Variants in ACSM2A observed in about 807,000 individuals in gnomAD.
ACSM2A encodes the protein acyl-CoA synthetase medium chain family member 2A.
Under a neutral mutation model 76.6 loss-of-function variants are expected in ACSM2A, and 72 were observed. That is an observed-to-expected ratio of 0.94 (90% CI 0.78 to 1.14). ACSM2A has a LOEUF of 1.14. ACSM2A is among the 50% of genes most tolerant of loss of function. ACSM2A has a pLI of 0.00. For missense variants in ACSM2A, 684 were observed against 708.5 expected, an observed-to-expected ratio of 0.97 and a Z score of 0.39; for synonymous variants, 249 against 255.9, an observed-to-expected ratio of 0.97 and a Z score of 0.26.
At chr16:20,469,872 ATTTTTTTTT>A (rs35674523) in intron 4 of ACSM2A, among the ~76,000 whole-genome samples, 153 bp downstream of exon 4, 3 of 67,720 alleles carry the variant, frequency 4.4e-5, no homozygotes, top group South Asian at 5.5e-4. Flanking sequence ...ACACAAGGGT[ATTTTTTTTT>A]TTTTTTTTTT....
At chr16:20,471,285 A>G in intron 5 of ACSM2A, 69 bp downstream of exon 5, 1 of 1,571,752 alleles carries the variant, frequency 6.4e-7, no homozygotes, top group Non-Finnish European at 8.6e-7. Context: ...ATGAGACCCA[A>G]TTATATATTA....
At chr16:20,473,790 C>T (rs537478598) in intron 6 of ACSM2A, among the ~76,000 whole-genome samples, 1 of 152,126 alleles carries the variant, frequency 6.6e-6, no homozygotes, top group East Asian at 1.9e-4. Context: ...CATTATACCT[C>T]TCTGGTATTA....
intron 9 of ACSM2A, 137 bp downstream of exon 9, chr16:20,477,586 G>C: frequency 2.1e-6 from 3 of 1,430,110 alleles, no homozygotes; most frequent in Non-Finnish European, 2.8e-6. Context: ...AAGGAGGTAG[G>C]GAGGTTGGGG....
At chr16:20,453,008 A>G (rs2011875293) in intron 1 of ACSM2A, among the ~76,000 whole-genome samples, 1 of 152,090 alleles carries the variant, frequency 6.6e-6, no homozygotes, top group Non-Finnish European at 1.5e-5. Context: ...AAAATGATGA[A>G]CTCGGGGATT....
chr16:20,485,756 T>C (rs999231343), intron 13 of ACSM2A, among the ~76,000 whole-genome samples: 1 of 152,230 alleles, frequency 6.6e-6, no homozygotes, highest in African/African-American at 2.4e-5. Context: ...ACTAAGAAGA[T>C]ACTTTTTCCA....
At chr16:20,481,613 G>A (rs1272028588) in intron 12 of ACSM2A, 3 of 149,312 alleles carry the variant, frequency 2.0e-5, no homozygotes, top group African/African-American at 7.4e-5. Context: ...GTTGGTGAAT[G>A]GGTAGAAGCA....
intron 9 of ACSM2A, among the ~76,000 whole-genome samples, chr16:20,478,144 T>C (rs1380185042): frequency 1.3e-5 from 2 of 152,214 alleles, no homozygotes; most frequent in African/African-American, 4.8e-5. Flanking sequence ...CCTATAAAAA[T>C]CCTGTGAAAT....
chr16:20,481,577 G>C (rs941793676), intron 12 of ACSM2A: 6 of 150,918 alleles, frequency 4.0e-5, no homozygotes, highest in Admixed American at 2.0e-4. Flanking sequence ...AGGGTGTGTG[G>C]GTGGGGAAGT....
In ACSM2A at chr16:20,480,837, C is replaced by G. The variant is rs778093347; in HGVS notation, c.1425C>G (p.Pro475=). ...IINSSGYRIG[P]SEVENALMEH... The stretch of plus-strand genomic sequence containing the variant: ...TCTTCTGCAGGTACCGGATTGGACC[C>G]TCGGAGGTAGAGAATGCACTGATGG... Residue 475 remains proline, a synonymous_variant, in exon 12 of 14, where the codon CCC becomes CCG. Coordinates refer to ENST00000573854, the MANE Select transcript of ACSM2A (RefSeq NM_001308172.2). The G allele has an allele frequency of 6.2e-7, 1 of 1,613,854 alleles. No individual in the cohort carries two copies. The highest frequency in any genetic ancestry group is 8.5e-7 in the Non-Finnish European group (1 of 1,179,854).
intron 3 of ACSM2A, among the ~76,000 whole-genome samples, chr16:20,469,005 T>C (rs1371734709): frequency 2.6e-5 from 4 of 152,218 alleles, no homozygotes; most frequent in Non-Finnish European, 2.9e-5. Context: ...TATATACAAC[T>C]ATACTTTGTG....
At chr16:20,476,154 TC>T (rs2013726708) in intron 8 of ACSM2A, 1 of 1,075,470 alleles carries the variant, frequency 9.3e-7, no homozygotes, top group African/African-American at 1.7e-5. Flanking sequence ...CCAAAGTTTA[TC>T]AAACATGTCA....
At chr16:20,485,507 T>G (rs753557226) in intron 13 of ACSM2A, among the ~76,000 whole-genome samples, 4 of 152,228 alleles carry the variant, frequency 2.6e-5, no homozygotes, top group African/African-American at 4.8e-5. Flanking sequence ...AGTAAATATT[T>G]TAGGCTATGT....
rs572890728 is a variant in ACSM2A at position 20,478,469 on chromosome 16, C to T, written c.1180-107C>T. 22 of 1,339,524 alleles carry T rather than the reference C, an allele frequency of 1.6e-5. No homozygotes were observed. The African/African-American group carries it at 3.0e-4, about 19-fold the overall frequency. 83.0% of individuals were successfully genotyped at this position (1,339,524 alleles called of 1,614,324 possible). ...GCTTCTGGTTGTTGTTTTCAGTCTC[C>T]ACTAGAGCAAGAGGGTCTTTCATTT... On this transcript the variant is annotated intron_variant, in intron 9 of 13. Transcript: ENST00000573854.
At position 20,486,623 on chromosome 16, in the gene ACSM2A, G is replaced by A. The variant is rs148142047; in HGVS notation, c.1679G>A (p.Arg560Gln). Residue 560 changes from arginine to glutamine, a missense_variant, in exon 14 of 14, where the codon CGA becomes CAA. Physicochemically the swap from Arg to Gln is conservative, Grantham distance 43. Coordinates refer to ENST00000573854, the MANE Select transcript of ACSM2A (RefSeq NM_001308172.2). ...LPKTVTGKIQRAKLRDKEWKM... is the reference protein window; with the variant it reads ...LPKTVTGKIQQAKLRDKEWKM... ...AAGACTGTCACAGGGAAAATTCAAC[G>A]AGCCAAGCTTCGAGACAAGGAGTGG... 5.9e-5 allele frequency: 95 copies of A among 1,614,042 alleles called. No homozygotes were observed. The highest frequency in any genetic ancestry group is 1.6e-4 in the Middle Eastern group (1 of 6,084).
At chr16:20,463,432 C>A (rs1474162464) in intron 2 of ACSM2A, among the ~76,000 whole-genome samples, 2 of 151,234 alleles carry the variant, frequency 1.3e-5, no homozygotes, top group African/African-American at 4.9e-5. Flanking sequence ...ATCATACGGG[C>A]AGGTCCCACA....
chr16:20,475,690 G>T lies in ACSM2A; in HGVS notation c.1015G>T (p.Glu339Ter), dbSNP rs762322900. 4.3e-6 allele frequency: 7 copies of T among 1,613,900 alleles called. No homozygotes were observed. The highest frequency in any genetic ancestry group is 5.9e-6 in the Non-Finnish European group (7 of 1,179,948). The change falls in exon 8 of 14, where the codon GAG (glutamate) becomes TAG (stop). Residue 339 changes from glutamate to a stop codon, truncating the protein, a stop_gained. Coordinates refer to ENST00000573854, the MANE Select transcript of ACSM2A (RefSeq NM_001308172.2). LOFTEE classifies it high-confidence loss of function. ...TCTACAGAACTGCGTCACTGTAGGG[G>T]AGTCCCTTCTTCCAGAAACTCTGGA... The part of the protein sequence containing the change: ...PHLQNCVTVG[E>*]SLLPETLENW...
intron 13 of ACSM2A, among the ~76,000 whole-genome samples, chr16:20,483,722 C>T (rs1326739561): frequency 1.3e-5 from 2 of 151,984 alleles, no homozygotes; most frequent in East Asian, 3.9e-4. Context: ...AAGTTCTAGC[C>T]AGTATCTTAC....
At chr16:20,474,125 A>G (rs535088223) in intron 6 of ACSM2A, 1 of 421,920 alleles carries the variant, frequency 2.4e-6, no homozygotes, top group South Asian at 1.8e-5. Flanking sequence ...ACCAAGGTGC[A>G]CCCTGACCAA....
intron 2 of ACSM2A, among the ~76,000 whole-genome samples, chr16:20,461,096 T>A (rs2012593370): frequency 6.9e-6 from 1 of 145,278 alleles, no homozygotes; most frequent in Non-Finnish European, 1.5e-5. Flanking sequence ...TATGACTCTT[T>A]CTGTAGGATG....
Sources: allele counts gnomAD v4.1 joint callset (sites outside exome capture counted in the v4.1 genomes callset), GRCh38; gene constraint gnomAD v4.1.1; transcripts MANE v1.5; gene names NCBI Gene and HGNC (gene_info 2026-07-23, HGNC 2026-07-21).